Variants in KCNQ3 observed in about 807,000 individuals in gnomAD.
KCNQ3 encodes potassium voltage-gated channel subfamily Q member 3, also known as potassium voltage-gated channel subfamily KQT member 3.
KCNQ3 carries 30 observed loss-of-function variants against 92.5 expected under a neutral mutation model. That is an observed-to-expected ratio of 0.32 (90% CI 0.24 to 0.44). The LOEUF is 0.44. Ranked by LOEUF, KCNQ3 falls within the 20% of genes least tolerant of loss-of-function variation. The pLI is 1.00. For missense variants in KCNQ3, 913 were observed against 1,140.3 expected (o/e 0.80, Z 2.87); for synonymous variants, 450 against 468.8 (o/e 0.96, Z 0.52).
At chr8:132,363,254 C>T (rs760591243) in intron 1 of KCNQ3, among the ~76,000 whole-genome samples, 7 of 152,094 alleles carry the variant, frequency 4.6e-5, no homozygotes, top group Non-Finnish European at 8.8e-5. Context: ...CCACAAAAGG[C>T]GTCATTTGGA....
chr8:132,300,804 C>G (rs1293808069), intron 1 of KCNQ3, among the ~76,000 whole-genome samples: 1 of 152,128 alleles, frequency 6.6e-6, no homozygotes, highest in Non-Finnish European at 1.5e-5. Flanking sequence ...AATTCTTTTC[C>G]ATGACCCCTT....
intron 1 of KCNQ3, among the ~76,000 whole-genome samples, chr8:132,461,492 G>C (rs1822061100): frequency 6.6e-6 from 1 of 152,170 alleles, no homozygotes; most frequent in African/African-American, 2.4e-5. Context: ...TTGAACCCAG[G>C]AGGTGAAGGT....
At chr8:132,462,252 G>A (rs1822078833) in intron 1 of KCNQ3, among the ~76,000 whole-genome samples, 2 of 152,004 alleles carry the variant, frequency 1.3e-5, no homozygotes, top group African/African-American at 4.8e-5. Context: ...AGGTTGGAGT[G>A]CAGTGGCGCT....
At chr8:132,297,888 A>G (rs1175069505) in intron 1 of KCNQ3, among the ~76,000 whole-genome samples, 7 of 152,240 alleles carry the variant, frequency 4.6e-5, no homozygotes, top group African/African-American at 1.7e-4. Context: ...GAGAGGAAAT[A>G]AGTGGTGAAA....
At chr8:132,374,914 A>G (rs1478050885) in intron 1 of KCNQ3, among the ~76,000 whole-genome samples, 4 of 152,010 alleles carry the variant, frequency 2.6e-5, no homozygotes, top group South Asian at 4.1e-4. Context: ...CATTTTCTTT[A>G]TCTAATCTGT....
chr8:132,163,952 T>A (rs1826067358), intron 8 of KCNQ3, among the ~76,000 whole-genome samples: 1 of 152,228 alleles, frequency 6.6e-6, no homozygotes, highest in Admixed American at 6.5e-5. Flanking sequence ...AGTACTATTA[T>A]CATCCCATTT....
chr8:132,474,695 G>T (rs1008957721), intron 1 of KCNQ3, among the ~76,000 whole-genome samples: 1 of 152,114 alleles, frequency 6.6e-6, no homozygotes, highest in Non-Finnish European at 1.5e-5. Context: ...CATGCACTCT[G>T]CAGCCTGCTG....
At chr8:132,339,904 C>T (rs1428996342) in intron 1 of KCNQ3, among the ~76,000 whole-genome samples, 2 of 151,212 alleles carry the variant, frequency 1.3e-5, no homozygotes, top group East Asian at 3.9e-4. Flanking sequence ...CATCCAGCAA[C>T]ACAAAGGCCT....
intron 1 of KCNQ3, among the ~76,000 whole-genome samples, chr8:132,395,962 A>T (rs1326004528): frequency 2.0e-5 from 3 of 152,212 alleles, no homozygotes; most frequent in African/African-American, 7.2e-5. Flanking sequence ...GCCTGAGTTC[A>T]GTCCCAGCTC....
chr8:132,284,712 C>T (rs1460467575), intron 1 of KCNQ3, among the ~76,000 whole-genome samples: 1 of 152,168 alleles, frequency 6.6e-6, no homozygotes. Context: ...AATTAGACAC[C>T]TAGGGTGGTT....
chr8:132,451,210 T>G (rs1563916844), intron 1 of KCNQ3, among the ~76,000 whole-genome samples: 1 of 152,236 alleles, frequency 6.6e-6, no homozygotes, highest in Non-Finnish European at 1.5e-5. Flanking sequence ...CATGCTGTCT[T>G]GCCTGCTGCC....
chr8:132,147,598 A>G (rs1452377332), intron 9 of KCNQ3, among the ~76,000 whole-genome samples: 2 of 152,160 alleles, frequency 1.3e-5, no homozygotes, highest in East Asian at 3.9e-4. Flanking sequence ...GATGATAGAG[A>G]GATGAATGGA....
intron 1 of KCNQ3, among the ~76,000 whole-genome samples, chr8:132,407,560 T>C (rs527923205): frequency 6.0e-4 from 92 of 152,276 alleles, no homozygotes; most frequent in African/African-American, 2.2e-3. Flanking sequence ...TCCCAAGCCA[T>C]CCCCATTTTC....
In KCNQ3 at chr8:132,126,641, A is replaced by T. The variant is rs534433167; in HGVS notation, c.*2621T>A. 6.6e-6 allele frequency: 1 copy of T among 152,194 alleles called. No homozygotes were observed. Among genetic ancestry groups the T allele is most frequent in the East Asian group, 1.9e-4 (1 of 5,168 alleles). The allele number at this position is 152,194 out of a possible 1,614,324, so 9.4% of individuals were successfully genotyped here. A position where few individuals can be genotyped will look rare whatever the true frequency, so the allele number is the denominator to read the frequency against. ...AAAGACAACTTACTAGATGTTAGAC[A>T]ATCAATACTTCCCTACTACTGATCA... On this transcript the variant is annotated 3_prime_UTR_variant, in exon 15 of 15. Coordinates refer to ENST00000388996, the MANE Select transcript of KCNQ3 (RefSeq NM_004519.4).
intron 8 of KCNQ3, among the ~76,000 whole-genome samples, chr8:132,163,954 A>G (rs188546681): frequency 2.6e-5 from 4 of 152,308 alleles, no homozygotes; most frequent in Non-Finnish European, 4.4e-5. Context: ...TACTATTATC[A>G]TCCCATTTCC....
chr8:132,456,500 G>T (rs1323512155), intron 1 of KCNQ3, among the ~76,000 whole-genome samples: 1 of 151,660 alleles, frequency 6.6e-6, no homozygotes, highest in Non-Finnish European at 1.5e-5. Context: ...TTGTGTTTAG[G>T]TAATTTATTT....
chr8:132,350,906 G>C (rs1586948835), intron 1 of KCNQ3, among the ~76,000 whole-genome samples: 1 of 151,730 alleles, frequency 6.6e-6, no homozygotes, highest in Non-Finnish European at 1.5e-5. Flanking sequence ...TTTTTTTAAC[G>C]AAGCAAATCT....
At chr8:132,243,540 T>TAA in intron 1 of KCNQ3, among the ~76,000 whole-genome samples, 1 of 152,340 alleles carries the variant, frequency 6.6e-6, no homozygotes. Flanking sequence ...AAATTAAAAG[T>TAA]TAATCCTTTT....
chr8:132,207,002 G>A (rs753751900), intron 1 of KCNQ3, among the ~76,000 whole-genome samples: 1 of 152,146 alleles, frequency 6.6e-6, no homozygotes, highest in Non-Finnish European at 1.5e-5. Flanking sequence ...CATGTTTAAT[G>A]AAAAAGCAAC....
Sources: allele counts gnomAD v4.1 joint callset (sites outside exome capture counted in the v4.1 genomes callset), GRCh38; gene constraint gnomAD v4.1.1; transcripts MANE v1.5; gene names NCBI Gene and HGNC (gene_info 2026-07-23, HGNC 2026-07-21).